POLR3E: variants seen among roughly 807,000 people sequenced by gnomAD.
POLR3E encodes the protein DNA-directed RNA polymerase III subunit RPC5.
A neutral mutation model predicts 96.6 loss-of-function variants in POLR3E; 41 were observed. The ratio of observed to expected loss-of-function variants is 0.42; its 90% CI spans 0.33 to 0.55. The LOEUF is 0.55. POLR3E is among the 20% of genes least tolerant of loss of function. POLR3E has a pLI of 0.06. For missense variants in POLR3E, 849 were observed against 952.1 expected, an observed-to-expected ratio of 0.89 and a Z score of 1.43; for synonymous variants, 396 against 383.6, an observed-to-expected ratio of 1.03 and a Z score of -0.38.
intron 2 of POLR3E, 99 bp from the exon 3 acceptor site, chr16:22,305,057 G>T: frequency 1.1e-6 from 1 of 904,014 alleles, no homozygotes; most frequent in Non-Finnish European, 1.9e-6. Flanking sequence ...CTGCTTCCCT[G>T]AGCCACTGCC....
rs1032231636 is a variant in POLR3E at position 22,313,519 on chromosome 16, G to A, written c.365-101G>A. On this transcript the variant is annotated intron_variant, in intron 6 of 20. Coordinates refer to ENST00000299853, the MANE Select transcript of POLR3E (RefSeq NM_018119.4). The surrounding 1 kb of genome is among the most constrained non-coding windows in gnomAD (Gnocchi z 4.1). ...GGGGGCTGCAGCGGGAATGGGAGGC[G>A]GTTTGATGGTGGGCCTAGGCCTTCA... is the stretch of plus-strand genomic sequence containing the variant. The A allele has an allele frequency of 2.1e-5, 15 of 723,514 alleles. No individual in the cohort carries two copies. The highest frequency in any genetic ancestry group is 7.0e-5 in the African/African-American group (4 of 57,032). The allele number at this position is 723,514 out of a possible 1,614,324, so 44.8% of individuals were successfully genotyped here.
chr16:22,325,655 G>A (rs532225791), intron 17 of POLR3E, 106 bp from the exon 18 acceptor site: 2 of 1,320,630 alleles, frequency 1.5e-6, no homozygotes, highest in Admixed American at 2.8e-5. Context: ...AAAGGTTGGG[G>A]ATGAGACCAG....
intron 19 of POLR3E, among the ~76,000 whole-genome samples, chr16:22,330,193 A>G (rs1244180241): frequency 6.6e-6 from 1 of 151,868 alleles, no homozygotes; most frequent in Non-Finnish European, 1.5e-5. Flanking sequence ...CCACCCGGGT[A>G]GCTGGGATTA....
intron 2 of POLR3E, among the ~76,000 whole-genome samples, chr16:22,304,039 G>A (rs952148771): frequency 1.3e-5 from 2 of 152,020 alleles, no homozygotes; most frequent in Non-Finnish European, 2.9e-5. Flanking sequence ...TCGATCTCCT[G>A]ACCTCAAGTG....
chr16:22,319,858 CT>C (rs2048434937), intron 13 of POLR3E, among the ~76,000 whole-genome samples: 1 of 152,154 alleles, frequency 6.6e-6, no homozygotes, highest in African/African-American at 2.4e-5. Context: ...TCAAACTTCA[CT>C]TTTCTAGCTA....
intron 4 of POLR3E, chr16:22,308,604 G>A: frequency 2.3e-6 from 1 of 438,162 alleles, no homozygotes; most frequent in African/African-American, 2.0e-5. Flanking sequence ...AGTTCTGCTG[G>A]CTTTTCAAGA....
At position 22,308,992 on chromosome 16, in the gene POLR3E, C is replaced by T. The variant is rs753118768; in HGVS notation, c.233C>T (p.Ala78Val). The change falls in exon 5 of 21, where the codon GCG becomes GTG. Residue 78 changes from alanine (A) to valine (V), a missense_variant. Transcript: ENST00000299853. Reference protein sequence around the residue: ...NYCRSKGEQIALNVDGACADE... With the variant: ...NYCRSKGEQIVLNVDGACADE... ...TGCCGCAGCAAAGGGGAGCAGATTGCGCTGAACGTGGACGGGGCCTGCGCC... is the reference window on the plus strand; with the variant it reads ...TGCCGCAGCAAAGGGGAGCAGATTGTGCTGAACGTGGACGGGGCCTGCGCC... 74 of 1,614,024 alleles carry T rather than the reference C, an allele frequency of 4.6e-5. No individual in the cohort carries two copies. Among genetic ancestry groups the T allele is most frequent in the Middle Eastern group, 3.3e-4 (2 of 6,062 alleles).
intron 14 of POLR3E, 82 bp downstream of exon 14, chr16:22,323,013 C>A: frequency 1.1e-6 from 1 of 916,616 alleles, no homozygotes; most frequent in South Asian, 1.4e-5. Flanking sequence ...AAGACCGGGG[C>A]CCGGCAGAGG....
chr16:22,316,230 A>G (rs1017379858), intron 9 of POLR3E, among the ~76,000 whole-genome samples: 1 of 152,208 alleles, frequency 6.6e-6, no homozygotes, highest in African/African-American at 2.4e-5. Flanking sequence ...TTATAAAATG[A>G]GAGTAGTAAT....
Position 22,325,861 on chromosome 16 carries a change from G to A in POLR3E, c.1449G>A (p.Lys483=), listed in dbSNP as rs1239509364. The change falls in exon 18 of 21, where the codon AAG becomes AAA. Residue 483 remains lysine, a synonymous_variant. Transcript: ENST00000299853. The part of the protein sequence containing the change: ...ALLERELQRR[K]EQLRVPAVPP... ...TGGAGCGGGAGCTGCAGCGGCGGAA[G>A]GAGCAGCTGCGGGTGCCTGCGGTCC... 1.5e-5 allele frequency: 24 copies of A among 1,612,014 alleles called. No homozygotes were observed. The highest frequency in any genetic ancestry group is 3.3e-5 in the South Asian group (3 of 90,848).
intron 4 of POLR3E, 185 bp downstream of exon 4, chr16:22,308,410 A>G (rs961035769): frequency 5.0e-6 from 3 of 599,664 alleles, no homozygotes; most frequent in African/African-American, 3.7e-5. Flanking sequence ...CAGAGAGGCC[A>G]GGGACGCATG....
rs1363781319 is a variant in POLR3E at position 22,322,611 on chromosome 16, G to GGT, written c.987-235_987-234dup. Among the ~76,000 whole-genome samples the GGT allele has an allele frequency of 6.6e-6, 1 of 152,106 alleles. No homozygotes were observed. The highest frequency in any genetic ancestry group is 1.5e-5 in the Non-Finnish European group (1 of 68,008). On this transcript the variant is annotated intron_variant, in intron 13 of 20. Coordinates refer to ENST00000299853, the MANE Select transcript of POLR3E (RefSeq NM_018119.4). The surrounding 1 kb of genome is among the most constrained non-coding windows in gnomAD (Gnocchi z 5.2). ...TGTGCAGGGGTCTTAGGATGAGGCT[G>GGT]GTGTGCATGGCGGGTTGAGGGGTAA...
At position 22,333,752 on chromosome 16, in the gene POLR3E, G is replaced by A. The variant is rs765412156; in HGVS notation, c.*52G>A. On this transcript the variant is annotated 3_prime_UTR_variant, in exon 21 of 21. Coordinates refer to ENST00000299853, the MANE Select transcript of POLR3E (RefSeq NM_018119.4). ...AAATCTAAGCCCAAGGAAGAAGGGC[G>A]GAACCAGAAGTAGGGCCTCGACTTG... 3.1e-5 allele frequency: 40 copies of A among 1,277,224 alleles called. No homozygotes were observed. The highest frequency in any genetic ancestry group is 1.8e-4 in the Middle Eastern group (1 of 5,442). 79.1% of individuals were successfully genotyped at this position (1,277,224 alleles called of 1,614,324 possible). A position where few individuals can be genotyped will look rare whatever the true frequency, so the allele number is the denominator to read the frequency against.
At position 22,328,628 on chromosome 16, in the gene POLR3E, G is replaced by T. The variant is rs368778290; in HGVS notation, c.1944+41G>T. The T allele has an allele frequency of 5.8e-6, 9 of 1,563,738 alleles. No homozygotes were observed. In the African/African-American group the frequency reaches 1.2e-4, roughly 21 times the overall value. The stretch of plus-strand genomic sequence containing the variant: ...CTGCCATCTTCCCGAAGAGCCAGGG[G>T]GGTTTCCTGCAGCGTTGGAGGCCTT... On this transcript the variant is annotated intron_variant, in intron 19 of 20. Transcript: ENST00000299853.
chr16:22,315,311 T>G, intron 9 of POLR3E, 103 bp downstream of exon 9: 1 of 1,249,146 alleles, frequency 8.0e-7, no homozygotes, highest in Non-Finnish European at 1.1e-6. Flanking sequence ...AATTCATGAG[T>G]CATAGCCACA....
chr16:22,316,967 A>AGCCTCT, intron 10 of POLR3E, 28 bp from the exon 11 acceptor site: 1 of 1,613,204 alleles, frequency 6.2e-7, no homozygotes, highest in Non-Finnish European at 8.5e-7. Context: ...ATCAGCCCTG[A>AGCCTCT]GCCTCTGCCC....
At chr16:22,326,314 T>C in intron 18 of POLR3E, 36 bp downstream of exon 18, 1 of 210,234 alleles carries the variant, frequency 4.8e-6, no homozygotes, top group Non-Finnish European at 9.5e-6. Flanking sequence ...GCATGGGGGG[T>C]GGGGGGTGGG....
In POLR3E at chr16:22,318,314, A is replaced by G. The variant is rs1000399286; in HGVS notation, c.866-512A>G. On this transcript the variant is annotated intron_variant, in intron 12 of 20. Coordinates refer to ENST00000299853, the MANE Select transcript of POLR3E (RefSeq NM_018119.4). This position sits in a 1 kb window ranked among gnomAD's most constrained non-coding sequence, Gnocchi z 5.0. ...TCGCCTTGTTGGCCAGGCTAGTCTC[A>G]AATTCCTGGCCTCAAGTGATCTGCC... is the stretch of plus-strand genomic sequence containing the variant. Among the ~76,000 whole-genome samples the G allele has an allele frequency of 1.1e-4, 17 of 152,206 alleles. No homozygotes were observed. The highest frequency in any genetic ancestry group is 3.6e-4 in the African/African-American group (15 of 41,544).
intron 19 of POLR3E, chr16:22,331,706 C>T (rs2048744572): frequency 6.0e-6 from 1 of 167,594 alleles, no homozygotes; most frequent in Non-Finnish European, 1.3e-5. Context: ...GCTTCACCTG[C>T]TTGCTAAGTC....
Sources: allele counts gnomAD v4.1 joint callset (sites outside exome capture counted in the v4.1 genomes callset), GRCh38; gene constraint gnomAD v4.1.1; non-coding constraint Gnocchi (gnomAD v3.1); transcripts MANE v1.5; gene names NCBI Gene and HGNC (gene_info 2026-07-23, HGNC 2026-07-21).